The following STX8 variants were observed in gnomAD, a reference collection of about 807,000 sequenced individuals.
STX8 encodes syntaxin 8, also known as syntaxin-8.
A neutral mutation model predicts 37.5 loss-of-function variants in STX8; 23 were observed. The observed-to-expected ratio is 0.61, with a 90% CI of 0.44 to 0.87. The LOEUF (loss-of-function observed/expected upper bound fraction) is 0.87. STX8 is among the 40% of genes least tolerant of loss of function. STX8 has a pLI of 0.00. For synonymous variants in STX8, 115 were observed against 99.1 expected (o/e 1.16, Z -0.95); for missense variants, 313 against 284.7 (o/e 1.10, Z -0.71).
chr17:9,376,560 C>G (rs532322137), intron 7 of STX8, among the ~76,000 whole-genome samples: 1 of 152,216 alleles, frequency 6.6e-6, no homozygotes, highest in Non-Finnish European at 1.5e-5. Context: ...AACCCTGACC[C>G]GCTCGGGTCC....
At chr17:9,566,103 A>C (rs1907449914) in intron 2 of STX8, among the ~76,000 whole-genome samples, 1 of 152,196 alleles carries the variant, frequency 6.6e-6, no homozygotes. Context: ...AACTTAAGCA[A>C]ATTTACAAGA....
intron 6 of STX8, among the ~76,000 whole-genome samples, chr17:9,418,677 A>G (rs567486274): frequency 4.3e-4 from 65 of 151,554 alleles, no homozygotes; most frequent in African/African-American, 7.0e-4. Flanking sequence ...AATACAAAAA[A>G]TTAGCCGGGC....
chr17:9,523,592 A>G (rs1369748042), intron 4 of STX8, among the ~76,000 whole-genome samples: 1 of 152,190 alleles, frequency 6.6e-6, no homozygotes, highest in African/African-American at 2.4e-5. Context: ...AGTCAAGATG[A>G]GCAATCTACA....
At chr17:9,321,230 G>A (rs1909566710) in intron 7 of STX8, among the ~76,000 whole-genome samples, 1 of 152,114 alleles carries the variant, frequency 6.6e-6, no homozygotes. Flanking sequence ...AATGTCTAAA[G>A]TTGAAAAATC....
intron 7 of STX8, among the ~76,000 whole-genome samples, chr17:9,252,703 T>A (rs1401832923): frequency 6.6e-6 from 1 of 151,816 alleles, no homozygotes; most frequent in Non-Finnish European, 1.5e-5. Context: ...TTTTCTGATA[T>A]GGGCTCTTTC....
intron 7 of STX8, among the ~76,000 whole-genome samples, chr17:9,318,414 AT>A (rs1490537526): frequency 6.6e-6 from 1 of 152,194 alleles, no homozygotes; most frequent in African/African-American, 2.4e-5. Context: ...CTAGAAAAAA[AT>A]ATTGTACCCA....
chr17:9,390,989 T>C (rs189201969), intron 6 of STX8, among the ~76,000 whole-genome samples: 4 of 152,218 alleles, frequency 2.6e-5, no homozygotes, highest in Admixed American at 6.5e-5. Flanking sequence ...GCAATTTAAA[T>C]AGAAACTCCA....
intron 7 of STX8, among the ~76,000 whole-genome samples, chr17:9,373,120 A>G (rs1251886392): frequency 2.7e-5 from 4 of 148,976 alleles, no homozygotes; most frequent in African/African-American, 5.1e-5. Context: ...AAAAAAAAAA[A>G]GAAAAGAAAA....
intron 6 of STX8, among the ~76,000 whole-genome samples, chr17:9,456,161 A>T (rs1298316020): frequency 1.3e-5 from 2 of 152,132 alleles, no homozygotes; most frequent in African/African-American, 2.4e-5. Context: ...TGTCATGATA[A>T]GAGAATTCCT....
chr17:9,537,946 C>A (rs1461555964), intron 4 of STX8, among the ~76,000 whole-genome samples: 1 of 152,134 alleles, frequency 6.6e-6, no homozygotes, highest in African/African-American at 2.4e-5. Flanking sequence ...GGCTCAACTG[C>A]AAAAAGTAGG....
intron 1 of STX8, among the ~76,000 whole-genome samples, chr17:9,574,136 C>T (rs1378217177): frequency 1.3e-5 from 2 of 151,636 alleles, no homozygotes; most frequent in African/African-American, 2.4e-5. Flanking sequence ...CTGGGCGTGG[C>T]TGCGTGCGCC....
intron 7 of STX8, among the ~76,000 whole-genome samples, chr17:9,309,535 G>A (rs766112840): frequency 1.3e-5 from 2 of 152,118 alleles, no homozygotes; most frequent in Admixed American, 6.6e-5. Context: ...ATTAAACTCT[G>A]GGAAATTCAT....
At chr17:9,267,851 C>T (rs906459851) in intron 7 of STX8, among the ~76,000 whole-genome samples, 8 of 152,026 alleles carry the variant, frequency 5.3e-5, no homozygotes, top group African/African-American at 1.7e-4. Flanking sequence ...ATTAGCTGGG[C>T]GTGGTGGTGG....
At chr17:9,320,296 G>A (rs1440839393) in intron 7 of STX8, among the ~76,000 whole-genome samples, 1 of 148,062 alleles carries the variant, frequency 6.8e-6, no homozygotes, top group South Asian at 2.1e-4. Flanking sequence ...TGGCACCACT[G>A]CACTCCAGCC....
At chr17:9,255,527 A>AAAATAAATAAAT (rs1202028600) in intron 7 of STX8, among the ~76,000 whole-genome samples, 65 of 138,678 alleles carry the variant, frequency 4.7e-4, no homozygotes, top group African/African-American at 1.6e-3. Context: ...ACTCCATCTC[A>AAAATAAATAAAT]AAATAAATAA....
At chr17:9,463,005 C>T (rs1905460683) in intron 6 of STX8, among the ~76,000 whole-genome samples, 1 of 152,192 alleles carries the variant, frequency 6.6e-6, no homozygotes, top group African/African-American at 2.4e-5. Flanking sequence ...AATATTCATC[C>T]ACCCTGGCAG....
At chr17:9,371,568 T>A (rs1355466161) in intron 7 of STX8, among the ~76,000 whole-genome samples, 1 of 152,132 alleles carries the variant, frequency 6.6e-6, no homozygotes, top group Non-Finnish European at 1.5e-5. Flanking sequence ...CTTATTAAGA[T>A]CATAATTTAA....
intron 7 of STX8, among the ~76,000 whole-genome samples, chr17:9,310,366 C>T (rs1447268311): frequency 6.6e-6 from 1 of 152,206 alleles, no homozygotes; most frequent in Non-Finnish European, 1.5e-5. Context: ...ATTGCTAACT[C>T]TCTAAGTAAA....
chr17:9,278,435 G>A (rs992938143), intron 7 of STX8, among the ~76,000 whole-genome samples: 2 of 151,170 alleles, frequency 1.3e-5, no homozygotes, highest in Non-Finnish European at 2.9e-5. Flanking sequence ...GGCAACAAGA[G>A]TGAAATTCCA....
Sources: gnomAD v4.1 joint callset for allele counts (sites outside exome capture counted in the v4.1 genomes callset) on GRCh38, gnomAD v4.1.1 for gene constraint, MANE v1.5 for transcripts, NCBI Gene and HGNC (gene_info 2026-07-23, HGNC 2026-07-21) for gene names.